Variants in PRKN observed in about 807,000 individuals in gnomAD.
The protein encoded by PRKN is parkin RBR E3 ubiquitin protein ligase, also known as E3 ubiquitin-protein ligase parkin.
In PRKN, 56 loss-of-function variants were observed where a neutral mutation model predicts 59.5. That is an observed-to-expected ratio of 0.94 (90% CI 0.76 to 1.18). The LOEUF is 1.18. Ranked by LOEUF, PRKN falls within the 50% of genes most tolerant of loss-of-function variation. The pLI is 0.00. For missense variants in PRKN, 657 were observed against 596.4 expected, an observed-to-expected ratio of 1.10 and a Z score of -1.06; for synonymous variants, 250 against 222.1, an observed-to-expected ratio of 1.13 and a Z score of -1.12.
Position 161,584,719 on chromosome 6 carries a change from A to G in PRKN, c.872-15303T>C, listed in dbSNP as rs1363812448. 6.6e-6 allele frequency among the ~76,000 whole-genome samples: 1 copy of G among 152,234 alleles called. No individual in the cohort carries two copies. The highest frequency in any genetic ancestry group is 1.5e-5 in the Non-Finnish European group (1 of 68,042). On this transcript the variant is annotated intron_variant, in intron 7 of 11. Transcript: ENST00000366898. This position sits in a 1 kb window ranked among gnomAD's most constrained non-coding sequence, Gnocchi z 4.8. Reference sequence around the variant, plus strand: ...TATACAACAGGGGGATCCTACATCCAGCTTCATTTAGGATATTGCTTCTCA... The same window carrying G: ...TATACAACAGGGGGATCCTACATCCGGCTTCATTTAGGATATTGCTTCTCA...
At chr6:161,809,560 T>A (rs536185266) in intron 6 of PRKN, among the ~76,000 whole-genome samples, 8 of 152,354 alleles carry the variant, frequency 5.3e-5, no homozygotes, top group African/African-American at 1.4e-4. Context: ...CGTAGCGAAC[T>A]TTTTTCTTAA....
Position 161,516,696 on chromosome 6 carries a change from G to A in PRKN, c.1083+32158C>T, listed in dbSNP as rs1212267920. Among the ~76,000 whole-genome samples the A allele has an allele frequency of 5.3e-5, 8 of 150,280 alleles. No individual in the cohort carries two copies. The East Asian group carries it at 1.4e-3, about 26-fold the overall frequency. ...ACAAAAACTAGCCAGGCATGGTGTC[G>A]CATGCTTATAATCCTAGCTATTCAG... On this transcript the variant is annotated intron_variant, in intron 9 of 11. Transcript: ENST00000366898.
intron 7 of PRKN, among the ~76,000 whole-genome samples, chr6:161,611,907 C>T (rs1307487039): frequency 2.0e-5 from 3 of 152,202 alleles, no homozygotes; most frequent in Non-Finnish European, 4.4e-5. Flanking sequence ...AATGCTACTC[C>T]TGTGAACACA....
intron 6 of PRKN, among the ~76,000 whole-genome samples, chr6:161,820,123 A>G (rs2128215885): frequency 6.6e-6 from 1 of 152,276 alleles, no homozygotes; most frequent in East Asian, 1.9e-4. Flanking sequence ...ATTAATAGTA[A>G]TTTAAACTTT....
chr6:161,389,914 A>G (rs1276473816), intron 9 of PRKN, among the ~76,000 whole-genome samples: 1 of 152,244 alleles, frequency 6.6e-6, no homozygotes, highest in African/African-American at 2.4e-5. Flanking sequence ...CTTTCACACC[A>G]GTACTACAAA....
chr6:161,392,513 CT>C (rs1786557556), intron 9 of PRKN, among the ~76,000 whole-genome samples: 1 of 150,592 alleles, frequency 6.6e-6, no homozygotes, highest in African/African-American at 2.4e-5. Flanking sequence ...ACCTCTCTCT[CT>C]CTCTCTCTCT....
intron 1 of PRKN, among the ~76,000 whole-genome samples, chr6:162,639,425 G>A (rs910082695): frequency 1.3e-5 from 2 of 152,034 alleles, no homozygotes; most frequent in Non-Finnish European, 2.9e-5. Context: ...TGAAGAGGTA[G>A]GTGTTTAAAG....
intron 7 of PRKN, among the ~76,000 whole-genome samples, chr6:161,775,774 A>C (rs1789898596): frequency 6.6e-6 from 1 of 152,178 alleles, no homozygotes; most frequent in Admixed American, 6.5e-5. Flanking sequence ...CTGCAACCCA[A>C]GTTTCTTGAC....
chr6:162,236,341 G>C (rs1778710691), intron 3 of PRKN, among the ~76,000 whole-genome samples: 1 of 152,172 alleles, frequency 6.6e-6, no homozygotes, highest in Non-Finnish European at 1.5e-5. Context: ...TCTATCCTCA[G>C]AACCCTGACC....
At chr6:161,666,544 G>C (rs1024802709) in intron 7 of PRKN, among the ~76,000 whole-genome samples, 5 of 152,084 alleles carry the variant, frequency 3.3e-5, no homozygotes, top group Non-Finnish European at 5.9e-5. Flanking sequence ...CTCACACATA[G>C]CTGCCCCTCA....
At chr6:161,786,055 T>C in intron 6 of PRKN, 147 bp from the exon 7 acceptor site, 1 of 758,676 alleles carries the variant, frequency 1.3e-6, no homozygotes, top group Non-Finnish European at 2.3e-6. Flanking sequence ...AGCTCATGTA[T>C]ACCAACACAA....
At chr6:162,602,555 C>T (rs1781753997) in intron 1 of PRKN, among the ~76,000 whole-genome samples, 3 of 152,130 alleles carry the variant, frequency 2.0e-5, no homozygotes, top group Non-Finnish European at 4.4e-5. Context: ...GCAGTGGGGA[C>T]ACAGAGCGGT....
chr6:161,742,353 G>A (rs1291851354), intron 7 of PRKN, among the ~76,000 whole-genome samples: 1 of 152,124 alleles, frequency 6.6e-6, no homozygotes, highest in Non-Finnish European at 1.5e-5. Flanking sequence ...TTTGCTTTCT[G>A]CCATGATTGT....
intron 7 of PRKN, among the ~76,000 whole-genome samples, chr6:161,656,914 C>T (rs1784369855): frequency 6.6e-6 from 1 of 152,170 alleles, no homozygotes; most frequent in Non-Finnish European, 1.5e-5. Context: ...TCAAATAAAA[C>T]ACACGAATGT....
chr6:161,779,478 T>C (rs1382224706), intron 7 of PRKN, among the ~76,000 whole-genome samples: 1 of 121,000 alleles, frequency 8.3e-6, no homozygotes, highest in African/African-American at 3.1e-5. Context: ...GGAGTCTCGC[T>C]CTGTCACTCA....
intron 4 of PRKN, among the ~76,000 whole-genome samples, chr6:162,136,067 CTTTCTAAA>C (rs942442630): frequency 1.5e-4 from 22 of 150,796 alleles, no homozygotes; most frequent in African/African-American, 5.3e-4. Flanking sequence ...ACATGTTCTA[CTTTCTAAA>C]TTTCTGTTAA....
At chr6:161,722,292 C>T (rs9458345) in intron 7 of PRKN, among the ~76,000 whole-genome samples, 26,855 of 152,168 alleles carry the variant, frequency 0.18, 2,443 homozygotes, top group South Asian at 0.21. Flanking sequence ...TTTTACGTAA[C>T]TGGATTCATA....
intron 7 of PRKN, among the ~76,000 whole-genome samples, chr6:161,625,190 T>A (rs1170525719): frequency 1.3e-5 from 2 of 152,194 alleles, no homozygotes; most frequent in East Asian, 3.9e-4. Flanking sequence ...TAGACTGGAT[T>A]AAGAAAATAT....
At chr6:161,717,103 C>A (rs1390038474) in intron 7 of PRKN, among the ~76,000 whole-genome samples, 1 of 152,132 alleles carries the variant, frequency 6.6e-6, no homozygotes, top group Non-Finnish European at 1.5e-5. Context: ...TGGCAAGAAA[C>A]ACACAGGATG....
Sources: gnomAD v4.1 joint callset for allele counts (sites outside exome capture counted in the v4.1 genomes callset) on GRCh38, gnomAD v4.1.1 for gene constraint, Gnocchi (gnomAD v3.1) non-coding constraint, MANE v1.5 for transcripts, NCBI Gene and HGNC (gene_info 2026-07-23, HGNC 2026-07-21) for gene names.